The following ASAP1 variants were observed in gnomAD, a reference collection of about 807,000 sequenced individuals.
The protein encoded by ASAP1 is ArfGAP with SH3 domain, ankyrin repeat and PH domain 1.
A neutral mutation model predicts 145.2 loss-of-function variants in ASAP1; 43 were observed. The ratio of observed to expected loss-of-function variants is 0.30; its 90% CI spans 0.23 to 0.38. The LOEUF is 0.38. Ranked by LOEUF, ASAP1 falls within the 10% of genes least tolerant of loss-of-function variation. ASAP1 has a pLI of 1.00. For missense variants in ASAP1, 1,018 were observed against 1,355.3 expected (o/e 0.75, Z 3.91); for synonymous variants, 546 against 515.5 (o/e 1.06, Z -0.80).
intron 2 of ASAP1, among the ~76,000 whole-genome samples, chr8:130,384,572 C>T (rs149074957): frequency 1.3e-5 from 2 of 152,244 alleles, no homozygotes; most frequent in South Asian, 2.1e-4. Flanking sequence ...TCCCCCTCGC[C>T]GGTTCAAGTG....
intron 13 of ASAP1, among the ~76,000 whole-genome samples, chr8:130,143,409 CTGTT>C (rs984189646): frequency 7.6e-5 from 9 of 118,028 alleles, no homozygotes; most frequent in Non-Finnish European, 1.1e-4. Context: ...TGTGAGATGT[CTGTT>C]TTTTTTTTTT....
intron 3 of ASAP1, among the ~76,000 whole-genome samples, chr8:130,313,512 C>T (rs184330480): frequency 6.6e-5 from 10 of 152,082 alleles, no homozygotes; most frequent in Admixed American, 1.3e-4. Context: ...GGTTATCTGC[C>T]GAGTAACAGA....
At chr8:130,059,016 G>C (rs1344197632) in intron 28 of ASAP1, among the ~76,000 whole-genome samples, 2 of 152,170 alleles carry the variant, frequency 1.3e-5, no homozygotes, top group Non-Finnish European at 2.9e-5. Flanking sequence ...TGAAAATTTT[G>C]CATCAGTGGT....
chr8:130,366,703 T>C (rs2138242974), intron 2 of ASAP1, among the ~76,000 whole-genome samples: 1 of 152,210 alleles, frequency 6.6e-6, no homozygotes, highest in Admixed American at 6.5e-5. Flanking sequence ...AGTTATTTAA[T>C]TTAAATTACT....
At chr8:130,100,717 TC>T (rs1170289398) in intron 24 of ASAP1, among the ~76,000 whole-genome samples, 5 of 152,214 alleles carry the variant, frequency 3.3e-5, no homozygotes, top group African/African-American at 1.2e-4. Context: ...TGAATTGAGT[TC>T]CTTGTATATT....
intron 3 of ASAP1, among the ~76,000 whole-genome samples, chr8:130,239,513 G>A (rs777750923): frequency 6.6e-6 from 1 of 152,006 alleles, no homozygotes; most frequent in Non-Finnish European, 1.5e-5. Context: ...ACCTAATTCT[G>A]CATTCTAATG....
rs548197325 is a variant in ASAP1, at chr8:130,370,194, C to T, written c.60-12051G>A. Among the ~76,000 whole-genome samples, 9 of 152,240 alleles carry T rather than the reference C, an allele frequency of 5.9e-5. No individual in the cohort carries two copies. In the South Asian group the frequency reaches 1.9e-3, roughly 32 times the overall value. Reference sequence around the variant, plus strand: ...GCGCACACATATAATCCTAGCTACTCAGGAGGCTGAGGCAGGAGAATAGCT... The same window carrying T: ...GCGCACACATATAATCCTAGCTACTTAGGAGGCTGAGGCAGGAGAATAGCT... On this transcript the variant is annotated intron_variant, in intron 2 of 29. Transcript: ENST00000518721.
intron 1 of ASAP1, among the ~76,000 whole-genome samples, chr8:130,422,876 C>T (rs1829776605): frequency 6.6e-6 from 1 of 152,206 alleles, no homozygotes; most frequent in Non-Finnish European, 1.5e-5. Context: ...TTATTCTTAA[C>T]ATGGAATGAT....
At chr8:130,063,051 T>C (rs963908439) in intron 27 of ASAP1, among the ~76,000 whole-genome samples, 6 of 152,196 alleles carry the variant, frequency 3.9e-5, no homozygotes, top group Non-Finnish European at 5.9e-5. Flanking sequence ...AAAATGTTTT[T>C]ATTATGTGAA....
At chr8:130,168,855 G>A (rs2097685538) in intron 10 of ASAP1, 137 bp downstream of exon 10, 4 of 522,738 alleles carry the variant, frequency 7.7e-6, no homozygotes, top group Admixed American at 3.8e-5. Context: ...TAAACTGAAG[G>A]GTTATCTGTC....
At chr8:130,399,867 A>G (rs1301258618) in intron 2 of ASAP1, among the ~76,000 whole-genome samples, 8 of 49,170 alleles carry the variant, frequency 1.6e-4, no homozygotes, top group Non-Finnish European at 3.1e-4. Flanking sequence ...CCCAGGCTGG[A>G]GTAGTACAAT....
intron 4 of ASAP1, among the ~76,000 whole-genome samples, chr8:130,229,793 C>T (rs1017846830): frequency 1.3e-5 from 2 of 152,180 alleles, no homozygotes; most frequent in Admixed American, 1.3e-4. Flanking sequence ...TAAATCCCAA[C>T]GCTTTAGTAG....
At chr8:130,123,696 G>A (rs151246179) in intron 18 of ASAP1, among the ~76,000 whole-genome samples, 2,322 of 152,108 alleles carry the variant, frequency 0.015, 34 homozygotes, top group African/African-American at 0.039. Context: ...GTGCGATCTC[G>A]GCTCACTGCA....
chr8:130,366,899 T>TTTTTTTTTTTTTTTTTTC (rs1826980939), intron 2 of ASAP1, among the ~76,000 whole-genome samples: 1 of 145,038 alleles, frequency 6.9e-6, no homozygotes, highest in African/African-American at 2.6e-5. Flanking sequence ...TTTTTTTTTT[T>TTTTTTTTTTTTTTTTTTC]TTTTTTTTTG....
intron 1 of ASAP1, among the ~76,000 whole-genome samples, chr8:130,423,597 T>C (rs957844004): frequency 1.3e-5 from 2 of 152,196 alleles, no homozygotes; most frequent in African/African-American, 4.8e-5. Flanking sequence ...GCAAAAATGA[T>C]CATGTAAATC....
intron 2 of ASAP1, among the ~76,000 whole-genome samples, chr8:130,397,082 G>A (rs752219951): frequency 4.6e-5 from 7 of 152,086 alleles, no homozygotes; most frequent in Admixed American, 3.3e-4. Flanking sequence ...GATGACAACC[G>A]CATTGCTGTG....
intron 23 of ASAP1, among the ~76,000 whole-genome samples, chr8:130,115,410 TTC>T (rs1419511979): frequency 3.3e-5 from 5 of 152,232 alleles, no homozygotes; most frequent in East Asian, 1.9e-4. Flanking sequence ...TAAAAAAAAT[TTC>T]TCTGTCTCTC....
Position 130,092,324 on chromosome 8 carries a change from G to T in ASAP1, c.2402-181C>A, listed in dbSNP as rs36114209. Among the ~76,000 whole-genome samples the T allele has an allele frequency of 2.7e-3, 391 of 145,800 alleles. 8 individuals carry two copies. The East Asian group carries it at 0.074, about 27-fold the overall frequency. On this transcript the variant is annotated intron_variant, in intron 24 of 29. Transcript: ENST00000518721. Reference sequence around the variant, plus strand: ...TCACAAGTAGGGTTTCAAAAATTTGGTTAAAAAAAAAATAAAATTGGCCAG... The same window carrying T: ...TCACAAGTAGGGTTTCAAAAATTTGTTTAAAAAAAAAATAAAATTGGCCAG...
intron 24 of ASAP1, 88 bp from the exon 25 acceptor site, chr8:130,092,231 G>C (rs752581028): frequency 9.7e-5 from 134 of 1,376,252 alleles, no homozygotes; most frequent in Non-Finnish European, 1.2e-4. Context: ...CCACACATCA[G>C]AATGTGGTAT....
Sources: gnomAD v4.1 joint callset for allele counts (sites outside exome capture counted in the v4.1 genomes callset) on GRCh38, gnomAD v4.1.1 for gene constraint, MANE v1.5 for transcripts, NCBI Gene and HGNC (gene_info 2026-07-23, HGNC 2026-07-21) for gene names.